The following TAF6 variants were observed in gnomAD, a reference collection of about 807,000 sequenced individuals.
TAF6 encodes the protein TATA-box binding protein associated factor 6.
A neutral mutation model predicts 73.5 loss-of-function variants in TAF6; 50 were observed. The observed-to-expected ratio is 0.68, with a 90% CI of 0.54 to 0.86. TAF6 has a LOEUF of 0.86. Ranked by LOEUF, TAF6 falls within the 40% of genes least tolerant of loss-of-function variation. TAF6 has a pLI of 0.00. For synonymous variants in TAF6, 424 were observed against 376.7 expected (o/e 1.13, Z -1.45); for missense variants, 768 against 899.5 (o/e 0.85, Z 1.87).
chr7:100,121,123 T>A (rs1368043256), upstream of TAF6: 337 of 52,046 alleles, frequency 6.5e-3, no homozygotes, highest in Middle Eastern at 0.026. Context: ...TATATTTTTT[T>A]TTTTTTTTTT....
rs201704839 is a variant in TAF6 at position 100,107,474 on chromosome 7, A to G, written c.1806T>C (p.Ser602=). The stretch of plus-strand genomic sequence containing the variant: ...GTGAGACCACGATGTACTTCTGGAC[A>G]CTCCCAGGACCAGAGGGAGCAGTGC... ...PPSTAPSGPG[S]VQKYIVVSLP... The change falls in exon 15 of 15, where the codon AGT becomes AGC. Residue 602 remains serine, a synonymous_variant. Coordinates refer to ENST00000453269, the MANE Select transcript of TAF6 (RefSeq NM_139315.3). 179 of 1,613,458 alleles carry G rather than the reference A, an allele frequency of 1.1e-4. No individual in the cohort carries two copies. Among genetic ancestry groups the G allele is most frequent in the Admixed American group, 6.7e-5 (4 of 59,912 alleles).
chr7:100,119,333 C>G lies in TAF6; in HGVS notation c.-189G>C. The stretch of plus-strand genomic sequence containing the variant: ...GGCAGCCGAGACGCTGCTCACCCGG[C>G]GCTCGGCGCCATCTTGGCCCCGCCC... On this transcript the variant is annotated 5_prime_UTR_variant, in exon 1 of 15. Transcript: ENST00000453269. 9.7e-7 allele frequency: 1 copy of G among 1,033,672 alleles called. No homozygotes were observed. The highest frequency in any genetic ancestry group is 1.2e-6 in the Non-Finnish European group (1 of 858,870). 64.0% of individuals were successfully genotyped at this position (1,033,672 alleles called of 1,614,324 possible).
chr7:100,112,067 G>A (rs1384162986), intron 7 of TAF6, 41 bp downstream of exon 7: 5 of 1,613,622 alleles, frequency 3.1e-6, no homozygotes, highest in Non-Finnish European at 4.2e-6. Context: ...GCCCCCAGGA[G>A]GAGGCGTCTC....
chr7:100,110,654 A>G (rs1797088340), intron 10 of TAF6, among the ~76,000 whole-genome samples: 1 of 152,188 alleles, frequency 6.6e-6, no homozygotes, highest in African/African-American at 2.4e-5. Context: ...TCTACTAAAA[A>G]CACAAAATTA....
At chr7:100,111,103 G>A (rs1797146981) in intron 10 of TAF6, 36 bp downstream of exon 10, 2 of 1,602,000 alleles carry the variant, frequency 1.2e-6, no homozygotes, top group East Asian at 2.2e-5. Context: ...GGTGGCCAGT[G>A]ATGAAGCAAA....
chr7:100,122,562 A>T, upstream of TAF6: 1 of 1,610,344 alleles, frequency 6.2e-7, no homozygotes, highest in African/African-American at 1.3e-5. Context: ...GCAAGGGCTC[A>T]CTGAGATATG....
intron 1 of TAF6, among the ~76,000 whole-genome samples, chr7:100,118,226 G>A (rs1217099254): frequency 2.0e-5 from 3 of 151,588 alleles, no homozygotes; most frequent in Admixed American, 6.6e-5. Context: ...GGTGGCGGGC[G>A]CCTGTAGTCC....
intron 7 of TAF6, 26 bp from the exon 8 acceptor site, chr7:100,112,025 G>A (rs1797228834): frequency 3.1e-6 from 5 of 1,614,034 alleles, no homozygotes; most frequent in Non-Finnish European, 4.2e-6. Flanking sequence ...AGCCAGTCAG[G>A]TGGGGGTGGG....
intron 6 of TAF6, 56 bp from the exon 7 acceptor site, chr7:100,112,309 A>T: frequency 6.3e-7 from 1 of 1,580,526 alleles, no homozygotes; most frequent in East Asian, 2.2e-5. Flanking sequence ...AACCTCAGTA[A>T]CAGAAGAACC....
At chr7:100,108,232 T>G in intron 13 of TAF6, 109 bp from the exon 14 acceptor site, 1 of 1,454,124 alleles carries the variant, frequency 6.9e-7, no homozygotes, top group Non-Finnish European at 9.1e-7. Context: ...TCACTAGGGC[T>G]GGGGCATCCT....
At chr7:100,109,292 T>G (rs1174593911) in intron 12 of TAF6, among the ~76,000 whole-genome samples, 1 of 149,492 alleles carries the variant, frequency 6.7e-6, no homozygotes, top group Non-Finnish European at 1.5e-5. Flanking sequence ...ACCACTGCAC[T>G]CCAGCCTGGG....
rs1225703941 is a variant in TAF6, at chr7:100,114,219, C to T, written c.-10G>A. On this transcript the variant is annotated 5_prime_UTR_variant, in exon 2 of 15. Transcript: ENST00000453269. ...TCTTCTCCTCAGCCATTCTGGAGTC[C>T]CTCTTCTCCTCCCTGGAAGGATGAA... The T allele has an allele frequency of 6.2e-7, 1 of 1,612,260 alleles. No homozygotes were observed. The highest frequency in any genetic ancestry group is 1.1e-5 in the South Asian group (1 of 91,078).
intron 5 of TAF6, 132 bp from the exon 6 acceptor site, chr7:100,113,049 C>G: frequency 3.0e-6 from 4 of 1,324,856 alleles, no homozygotes; most frequent in South Asian, 2.9e-5. Flanking sequence ...TGGATCACCT[C>G]AGGTCAGAAG....
chr7:100,107,456 C>T lies in TAF6; in HGVS notation c.1824G>A (p.Val608=). The change falls in exon 15 of 15, where the codon GTG becomes GTA. Residue 608 remains valine (V), a synonymous_variant. Transcript: ENST00000453269. ...CCTCCCCTGTTGGGGGAAGTGAGAC[C>T]ACGATGTACTTCTGGACACTCCCAG... is the stretch of plus-strand genomic sequence containing the variant. ...SGPGSVQKYI[V]VSLPPTGEGK... 6.2e-7 allele frequency: 1 copy of T among 1,612,826 alleles called. No individual in the cohort carries two copies. The highest frequency in any genetic ancestry group is 1.1e-5 in the South Asian group (1 of 91,018).
At chr7:100,123,975 A>C (rs1172156602), upstream of TAF6, among the ~76,000 whole-genome samples, 4 of 152,090 alleles carry the variant, frequency 2.6e-5, no homozygotes, top group African/African-American at 9.7e-5. Flanking sequence ...CTAAAAATAC[A>C]AGAATTAGCC....
rs777760297 is a variant in TAF6, at chr7:100,111,089, C to T, written c.1083+50G>A. Reference sequence around the variant, plus strand: ...TGTTTCCAGTGTGACTTCCCCCAACCAGAGGTGGCCAGTGATGAAGCAAAT... The same window carrying T: ...TGTTTCCAGTGTGACTTCCCCCAACTAGAGGTGGCCAGTGATGAAGCAAAT... On this transcript the variant is annotated intron_variant, in intron 10 of 14. Coordinates refer to ENST00000453269, the MANE Select transcript of TAF6 (RefSeq NM_139315.3). 6 of 1,588,430 alleles carry T rather than the reference C, an allele frequency of 3.8e-6. No homozygotes were observed. The African/African-American group carries it at 8.0e-5, about 21-fold the overall frequency.
At chr7:100,107,689 G>A in intron 14 of TAF6, 66 bp from the exon 15 acceptor site, 1 of 1,575,808 alleles carries the variant, frequency 6.3e-7, no homozygotes, top group Non-Finnish European at 8.6e-7. Context: ...GCCTGGCGAG[G>A]ACGCTTCACT....
intron 1 of TAF6, among the ~76,000 whole-genome samples, chr7:100,117,399 G>A (rs1365601428): frequency 2.0e-5 from 3 of 150,762 alleles, no homozygotes; most frequent in Non-Finnish European, 2.9e-5. Context: ...AGCCTCCTGC[G>A]TAGCTGGGAT....
chr7:100,122,263 TAAG>T (rs761555752), upstream of TAF6: 86 of 1,613,830 alleles, frequency 5.3e-5, no homozygotes, highest in Non-Finnish European at 7.0e-5. Flanking sequence ...CACCAGTGTG[TAAG>T]CTGCTGAGCA....
Sources: allele counts gnomAD v4.1 joint callset (sites outside exome capture counted in the v4.1 genomes callset), GRCh38; gene constraint gnomAD v4.1.1; transcripts MANE v1.5; gene names NCBI Gene and HGNC (gene_info 2026-07-23, HGNC 2026-07-21).